VPS50: variants seen among roughly 807,000 people sequenced by gnomAD.
VPS50 encodes the protein VPS50 subunit of EARP/GARPII complex.
VPS50 carries 70 observed loss-of-function variants against 139.7 expected under a neutral mutation model. That is an observed-to-expected ratio of 0.50 (90% CI 0.41 to 0.61). VPS50 has a LOEUF of 0.61. Ranked by LOEUF, VPS50 falls within the 20% of genes least tolerant of loss-of-function variation. The probability of loss-of-function intolerance (pLI) is 0.00; values close to 1 mark genes in which losing one functional copy is unlikely to be tolerated. For synonymous variants in VPS50, 365 were observed against 376.7 expected (o/e 0.97, Z 0.36); for missense variants, 921 against 1,133.7 (o/e 0.81, Z 2.69).
intron 22 of VPS50, among the ~76,000 whole-genome samples, chr7:93,339,804 T>C (rs1798163949): frequency 6.6e-6 from 1 of 152,108 alleles, no homozygotes; most frequent in Admixed American, 6.5e-5. Context: ...GGGGCAGGGG[T>C]TAACTTGTAT....
chr7:93,313,245 G>A lies in VPS50; in HGVS notation c.1855+1973G>A, dbSNP rs73712841. On this transcript the variant is annotated intron_variant, in intron 20 of 27. Transcript: ENST00000305866. ...CTTGGCAAAGGGAGGGGAGAAGTAT[G>A]CTTCTGCCGCAGGAAGCACTGCAAG... Among the ~76,000 whole-genome samples, 1,227 of 152,260 alleles carry A rather than the reference G, an allele frequency of 8.1e-3. 13 individuals are homozygous for A. Among genetic ancestry groups the A allele is most frequent in the Middle Eastern group, 0.027 (8 of 294 alleles).
At chr7:93,237,105 C>T (rs1285670805) in intron 1 of VPS50, among the ~76,000 whole-genome samples, 1 of 151,140 alleles carries the variant, frequency 6.6e-6, no homozygotes. Flanking sequence ...CGCCCGCCAC[C>T]ACGCCCGGCT....
chr7:93,356,555 T>C (rs886936859), intron 27 of VPS50, among the ~76,000 whole-genome samples: 1 of 152,210 alleles, frequency 6.6e-6, no homozygotes, highest in Non-Finnish European at 1.5e-5. Flanking sequence ...AAGACATTAA[T>C]ATTTAAATGG....
intron 23 of VPS50, among the ~76,000 whole-genome samples, chr7:93,346,579 A>G (rs1798401382): frequency 6.6e-6 from 1 of 152,074 alleles, no homozygotes; most frequent in Non-Finnish European, 1.5e-5. Context: ...AAACTATACT[A>G]CAAGGCTACA....
intron 5 of VPS50, among the ~76,000 whole-genome samples, chr7:93,256,781 A>G (rs536379779): frequency 6.6e-6 from 1 of 152,126 alleles, no homozygotes; most frequent in Non-Finnish European, 1.5e-5. Context: ...ATATGATTCT[A>G]AAGTGATCTC....
At chr7:93,333,495 C>T (rs1214749225) in intron 21 of VPS50, among the ~76,000 whole-genome samples, 1 of 152,022 alleles carries the variant, frequency 6.6e-6, no homozygotes, top group African/African-American at 2.4e-5. Context: ...AATTTATTTT[C>T]ATCAATGGAA....
Position 93,291,810 on chromosome 7 carries a change from C to T in VPS50, c.1050C>T (p.Asp350=). The T allele has an allele frequency of 1.3e-6, 2 of 1,593,564 alleles. No homozygotes were observed. The highest frequency in any genetic ancestry group is 1.7e-6 in the Non-Finnish European group (2 of 1,170,402). Residue 350 remains aspartate, a synonymous_variant, in exon 13 of 28, where the codon GAC becomes GAT. Coordinates refer to ENST00000305866, the MANE Select transcript of VPS50 (RefSeq NM_017667.4). ...YRTMEWHEKH[D]NEDTASASEG... is the part of the protein sequence containing the mutation. ...CTATGGAATGGCATGAAAAGCATGACAATGAGGATACTGCTTCAGCTTCTG... is the reference window on the plus strand; with the variant it reads ...CTATGGAATGGCATGAAAAGCATGATAATGAGGATACTGCTTCAGCTTCTG...
intron 23 of VPS50, among the ~76,000 whole-genome samples, chr7:93,343,058 C>A (rs993789701): frequency 6.6e-6 from 1 of 152,046 alleles, no homozygotes; most frequent in African/African-American, 2.4e-5. Context: ...ACATTCAAAC[C>A]AAAGGCAAAG....
intron 11 of VPS50, among the ~76,000 whole-genome samples, chr7:93,273,895 C>A (rs1206451881): frequency 6.6e-6 from 1 of 152,082 alleles, no homozygotes. Context: ...ATGATTCTTG[C>A]AGTATTTCCA....
intron 12 of VPS50, among the ~76,000 whole-genome samples, chr7:93,288,089 C>T (rs1018189089): frequency 6.6e-6 from 1 of 152,058 alleles, no homozygotes; most frequent in Non-Finnish European, 1.5e-5. Flanking sequence ...AGGGCTTGTG[C>T]AGAGGAACTC....
rs1305107270 is a variant in VPS50 at position 93,305,902 on chromosome 7, A to C, written c.1527A>C (p.Lys509Asn). 2 of 1,612,344 alleles carry C rather than the reference A, an allele frequency of 1.2e-6. 1 individual carries two copies. The highest frequency in any genetic ancestry group is 2.2e-5 in the South Asian group (2 of 91,034). ...AACAGCCAGTCTCAACTTCTTCAAA[A>C]ACAGTGACCTTGTTTGAGCAGTACT... ...PSKQPVSTSS[K>N]TVTLFEQYCS... Residue 509 changes from lysine (K) to asparagine (N), a missense_variant, in exon 18 of 28, where the codon AAA (lysine) becomes AAC (asparagine). By Grantham distance (94) the Lys-to-Asn change is moderately conservative. Transcript: ENST00000305866.
Position 93,360,139 on chromosome 7 carries a change from T to A in VPS50, c.*1703T>A, listed in dbSNP as rs1798803289. On this transcript the variant is annotated 3_prime_UTR_variant, in exon 28 of 28. Transcript: ENST00000305866. The stretch of plus-strand genomic sequence containing the variant: ...TCAATCTTTTAAAATTTGCAGTTGA[T>A]GAAGAGCTGCTTATTTTTCTCTTCT... The A allele has an allele frequency of 6.6e-6, 1 of 152,144 alleles. No homozygotes were observed. The highest frequency in any genetic ancestry group is 2.4e-5 in the African/African-American group (1 of 41,444). 9.4% of individuals were successfully genotyped at this position (152,144 alleles called of 1,614,324 possible). A position where few individuals can be genotyped will look rare whatever the true frequency, so the allele number is the denominator to read the frequency against.
At chr7:93,298,243 T>G (rs1324522824) in intron 16 of VPS50, among the ~76,000 whole-genome samples, 1 of 152,168 alleles carries the variant, frequency 6.6e-6, no homozygotes, top group African/African-American at 2.4e-5. Flanking sequence ...TGTTTAAAAA[T>G]TTTTTAAAAA....
intron 12 of VPS50, among the ~76,000 whole-genome samples, chr7:93,281,253 T>A (rs1240804589): frequency 2.0e-5 from 3 of 152,232 alleles, no homozygotes; most frequent in Non-Finnish European, 4.4e-5. Context: ...AAAACAGTAT[T>A]TTTTGATACT....
intron 10 of VPS50, 42 bp downstream of exon 10, chr7:93,271,304 C>T (rs748003334): frequency 7.3e-5 from 109 of 1,491,808 alleles, no homozygotes; most frequent in Non-Finnish European, 9.1e-5. Context: ...TTTTTCTTTT[C>T]AGAAGTTTTT....
chr7:93,240,223 A>G (rs894180953), intron 2 of VPS50, among the ~76,000 whole-genome samples: 3 of 132,570 alleles, frequency 2.3e-5, no homozygotes, highest in Non-Finnish European at 5.1e-5. Context: ...GTATGCACAC[A>G]CACACACACA....
chr7:93,279,747 A>C (rs540014348), intron 12 of VPS50, among the ~76,000 whole-genome samples: 3 of 152,304 alleles, frequency 2.0e-5, no homozygotes, highest in African/African-American at 7.2e-5. Context: ...GTACAGTAGC[A>C]ATGTTTTGAA....
At chr7:93,296,176 T>C (rs1796804267) in intron 14 of VPS50, among the ~76,000 whole-genome samples, 1 of 152,224 alleles carries the variant, frequency 6.6e-6, no homozygotes, top group African/African-American at 2.4e-5. Context: ...TTTGATTTTA[T>C]GCTTTAGTAT....
At chr7:93,287,705 G>C (rs1350623087) in intron 12 of VPS50, among the ~76,000 whole-genome samples, 1 of 152,070 alleles carries the variant, frequency 6.6e-6, no homozygotes. Context: ...GCTAATAAAA[G>C]TTAGAACTAC....
Sources: allele counts gnomAD v4.1 joint callset (sites outside exome capture counted in the v4.1 genomes callset), GRCh38; gene constraint gnomAD v4.1.1; transcripts MANE v1.5; gene names NCBI Gene and HGNC (gene_info 2026-07-23, HGNC 2026-07-21).